Variants in MROH9 observed in about 807,000 individuals in gnomAD.
The protein encoded by MROH9 is maestro heat-like repeat-containing protein family member 9.
In MROH9, 92 loss-of-function variants were observed where a neutral mutation model predicts 98.2. The ratio of observed to expected loss-of-function variants is 0.94; its 90% confidence interval spans 0.79 to 1.11. The LOEUF (loss-of-function observed/expected upper bound fraction) is 1.11, where lower values mean the gene tolerates loss of function less well. Ranked by LOEUF, MROH9 falls within the 50% of genes most tolerant of loss-of-function variation. The pLI is 0.00. For missense variants in MROH9, 1,057 were observed against 1,014.8 expected, an observed-to-expected ratio of 1.04 and a Z score of -0.57; for synonymous variants, 397 against 368.9, an observed-to-expected ratio of 1.08 and a Z score of -0.87.
intron 13 of MROH9, 84 bp downstream of exon 13, chr1:170,995,615 A>G: frequency 6.9e-7 from 1 of 1,449,916 alleles, no homozygotes; most frequent in Non-Finnish European, 9.5e-7. Context: ...TTCATATGGG[A>G]TTCTTTACAG....
At position 170,961,940 on chromosome 1, in the gene MROH9, G is replaced by A; in HGVS notation, c.339G>A (p.Leu113=). 2 of 1,538,746 alleles carry A rather than the reference G, an allele frequency of 1.3e-6. No individual in the cohort carries two copies. Among genetic ancestry groups the A allele is most frequent in the Non-Finnish European group, 1.8e-6 (2 of 1,137,782 alleles). Residue 113 remains leucine (L), a synonymous_variant, in exon 6 of 22, where the codon TTG becomes TTA. Coordinates refer to ENST00000367759, the MANE Select transcript of MROH9 (RefSeq NM_001163629.2). ...TATATGAGAACATTCTTACGAGCTT[G>A]GTGTCTAAAGACCTCTACAAACTAC... ...LNIYENILTS[L]VSKDLYKLQI...
At chr1:171,001,675 C>T (rs1287151938) in intron 15 of MROH9, among the ~76,000 whole-genome samples, 1 of 151,974 alleles carries the variant, frequency 6.6e-6, no homozygotes, top group African/African-American at 2.4e-5. Context: ...TATATTCTAT[C>T]TTGGAAAAAG....
chr1:170,983,271 T>G, intron 8 of MROH9, 151 bp from the exon 9 acceptor site: 1 of 578,968 alleles, frequency 1.7e-6, no homozygotes, highest in Middle Eastern at 4.3e-4. Flanking sequence ...GCCATAAAAT[T>G]TTATGAGACT....
chr1:170,967,826 G>A (rs745857650), intron 7 of MROH9, among the ~76,000 whole-genome samples: 2 of 150,972 alleles, frequency 1.3e-5, no homozygotes, highest in Non-Finnish European at 3.0e-5. Flanking sequence ...TCAACTTATA[G>A]CATTAAGATT....
chr1:170,973,989 A>C (rs563239024), intron 8 of MROH9, among the ~76,000 whole-genome samples: 1 of 152,354 alleles, frequency 6.6e-6, no homozygotes, highest in South Asian at 2.1e-4. Context: ...TAAAAGACTT[A>C]TATTGAACCT....
chr1:170,994,985 T>G (rs181864547), intron 12 of MROH9, among the ~76,000 whole-genome samples: 1 of 150,620 alleles, frequency 6.6e-6, no homozygotes, highest in Admixed American at 6.7e-5. Flanking sequence ...AATGATCTGT[T>G]GGTGACCTGA....
At chr1:171,056,232 T>G (rs183181936) in intron 20 of MROH9, among the ~76,000 whole-genome samples, 11 of 152,270 alleles carry the variant, frequency 7.2e-5, no homozygotes, top group Non-Finnish European at 1.3e-4. Context: ...CTGCCTAACA[T>G]GTTAAGCTCC....
chr1:170,955,861 T>G (rs959813980), intron 3 of MROH9, among the ~76,000 whole-genome samples: 7 of 152,218 alleles, frequency 4.6e-5, no homozygotes, highest in African/African-American at 1.4e-4. Flanking sequence ...TGCATTTGCT[T>G]TTGGGTTCTT....
chr1:170,976,371 C>T (rs963636167), intron 8 of MROH9, among the ~76,000 whole-genome samples: 3 of 152,074 alleles, frequency 2.0e-5, no homozygotes, highest in Non-Finnish European at 2.9e-5. Flanking sequence ...ATTTGCTTGT[C>T]TAAAAAGGGT....
chr1:170,940,738 T>C (rs1649088945), intron 1 of MROH9, among the ~76,000 whole-genome samples: 1 of 152,190 alleles, frequency 6.6e-6, no homozygotes, highest in Non-Finnish European at 1.5e-5. Context: ...ATAATTTAAA[T>C]GGGGATGTGG....
At chr1:171,032,679 C>T (rs1652961998) in intron 20 of MROH9, among the ~76,000 whole-genome samples, 1 of 152,146 alleles carries the variant, frequency 6.6e-6, no homozygotes, top group Admixed American at 6.5e-5. Context: ...GCTCAAGGGG[C>T]ACCAATCTGA....
Position 170,962,337 on chromosome 1 carries a change from A to T in MROH9, c.375+361A>T, listed in dbSNP as rs11487555. Among the ~76,000 whole-genome samples the T allele has an allele frequency of 6.8e-3, 1,029 of 152,292 alleles. 9 individuals are homozygous for T. The highest frequency in any genetic ancestry group is 0.024 in the African/African-American group (984 of 41,586). On this transcript the variant is annotated intron_variant, in intron 6 of 21. Transcript: ENST00000367759. Reference sequence around the variant, plus strand: ...AACCATGCTGTGTATGTCTGTGTTCATGCTTCTTCCTCATCAACTCAGGTG... The same window carrying T: ...AACCATGCTGTGTATGTCTGTGTTCTTGCTTCTTCCTCATCAACTCAGGTG...
chr1:170,991,603 G>C (rs1217736657), intron 11 of MROH9, among the ~76,000 whole-genome samples: 1 of 152,112 alleles, frequency 6.6e-6, no homozygotes, highest in Non-Finnish European at 1.5e-5. Flanking sequence ...AAAGGAGCTA[G>C]GGGACTGGAG....
chr1:171,020,624 A>G (rs772477799), intron 17 of MROH9, among the ~76,000 whole-genome samples: 1 of 152,214 alleles, frequency 6.6e-6, no homozygotes, highest in Admixed American at 6.5e-5. Context: ...CAAAATAATA[A>G]GAGCTATTTA....
At chr1:171,024,789 T>A in intron 19 of MROH9, 24 bp downstream of exon 19, 1 of 1,357,060 alleles carries the variant, frequency 7.4e-7, no homozygotes, top group Non-Finnish European at 1.0e-6. Context: ...CCATTTTTAC[T>A]ACTATAAGAG....
At chr1:170,953,846 G>A (rs531991842) in intron 3 of MROH9, among the ~76,000 whole-genome samples, 4 of 126,072 alleles carry the variant, frequency 3.2e-5, no homozygotes, top group Non-Finnish European at 6.7e-5. Flanking sequence ...AGGAAGGAAG[G>A]AAGAAAGAGA....
chr1:170,986,138 T>C (rs994067503), intron 9 of MROH9, among the ~76,000 whole-genome samples: 3 of 152,198 alleles, frequency 2.0e-5, no homozygotes, highest in African/African-American at 7.2e-5. Flanking sequence ...CTTTTATTTC[T>C]TTCTGCTTCC....
intron 17 of MROH9, among the ~76,000 whole-genome samples, chr1:171,020,921 A>G (rs1195661932): frequency 1.3e-5 from 2 of 152,212 alleles, no homozygotes; most frequent in African/African-American, 2.4e-5. Flanking sequence ...GTCTCGGGAT[A>G]CAAAATCAAT....
At chr1:171,041,119 C>A (rs72710594) in intron 20 of MROH9, among the ~76,000 whole-genome samples, 13,603 of 151,388 alleles carry the variant, frequency 0.09, 750 homozygotes, top group Middle Eastern at 0.21. Context: ...ATTATTTTAT[C>A]CCTCATTCTC....
Sources: gnomAD v4.1 joint callset for allele counts (sites outside exome capture counted in the v4.1 genomes callset) on GRCh38, gnomAD v4.1.1 for gene constraint, MANE v1.5 for transcripts, NCBI Gene and HGNC (gene_info 2026-07-23, HGNC 2026-07-21) for gene names.